The following LARGE1 variants were observed in gnomAD, a reference collection of about 807,000 sequenced individuals.
LARGE1 encodes the protein xylosyl- and glucuronyltransferase LARGE1.
LARGE1 carries 43 observed loss-of-function variants against 87.6 expected under a neutral mutation model. The observed-to-expected ratio is 0.49, with a 90% CI of 0.38 to 0.63. LARGE1 has a LOEUF of 0.63. LARGE1 is among the 30% of genes least tolerant of loss of function. The probability of loss-of-function intolerance (pLI) is 0.00; values close to 1 mark genes in which losing one functional copy is unlikely to be tolerated. For synonymous variants in LARGE1, 434 were observed against 394.6 expected, an observed-to-expected ratio of 1.10 and a Z score of -1.18; for missense variants, 802 against 1,000.2, an observed-to-expected ratio of 0.80 and a Z score of 2.67.
At chr22:33,455,705 G>A (rs922794137) in intron 6 of LARGE1, among the ~76,000 whole-genome samples, 1 of 131,726 alleles carries the variant, frequency 7.6e-6, no homozygotes, top group African/African-American at 2.9e-5. Flanking sequence ...AGTGAGCTGA[G>A]ATCATGCCAC....
intron 13 of LARGE1, among the ~76,000 whole-genome samples, chr22:33,282,773 A>T (rs1930701306): frequency 6.6e-6 from 1 of 152,158 alleles, no homozygotes; most frequent in Admixed American, 6.5e-5. Context: ...CATACCACAA[A>T]TAAAAAGGAA....
At chr22:33,473,575 G>C (rs1402866731) in intron 6 of LARGE1, among the ~76,000 whole-genome samples, 1 of 152,078 alleles carries the variant, frequency 6.6e-6, no homozygotes, top group Non-Finnish European at 1.5e-5. Context: ...GGCTGGTCTT[G>C]AACTCCTGAC....
chr22:33,360,281 C>T lies in LARGE1; in HGVS notation c.1131+21638G>A, dbSNP rs993585762. Among the ~76,000 whole-genome samples, 5 of 149,216 alleles carry T rather than the reference C, an allele frequency of 3.4e-5. 1 individual carries two copies. Among genetic ancestry groups the T allele is most frequent in the Non-Finnish European group, 7.5e-5 (5 of 67,022 alleles). ...TGAGCCAAGACCACGCCACTGTGCT[C>T]CAGCCTGGGCAACAGAGCAAGGCTG... On this transcript the variant is annotated intron_variant, in intron 9 of 14. Coordinates refer to ENST00000397394, the MANE Select transcript of LARGE1 (RefSeq NM_133642.5).
At position 33,834,895 on chromosome 22, in the gene LARGE1, C is replaced by T. The variant is rs550928863; in HGVS notation, c.-82-73337G>A. ...AAATCAGGCAGAGGCAAGTCATGAG[C>T]CCCAAGGAAAAGTTTCTATCATGTT... On this transcript the variant is annotated intron_variant, in intron 1 of 14. Coordinates refer to ENST00000397394, the MANE Select transcript of LARGE1 (RefSeq NM_133642.5). 3.3e-5 allele frequency among the ~76,000 whole-genome samples: 5 copies of T among 152,284 alleles called. No individual in the cohort carries two copies. The South Asian group carries it at 1.0e-3, about 32-fold the overall frequency.
intron 1 of LARGE1, among the ~76,000 whole-genome samples, chr22:33,911,925 C>G (rs1173724089): frequency 1.3e-5 from 2 of 152,206 alleles, no homozygotes; most frequent in African/African-American, 4.8e-5. Flanking sequence ...TCACCCACCT[C>G]TCCCTCCCGC....
the LARGE1 span, among the ~76,000 whole-genome samples, chr22:33,093,314 C>A: frequency 4.6e-5 from 7 of 152,308 alleles, no homozygotes; most frequent in African/African-American, 1.4e-4. Flanking sequence ...TCTGAAGCTT[C>A]TCTGAAAATG....
chr22:33,913,823 C>G (rs911297537), intron 1 of LARGE1, among the ~76,000 whole-genome samples: 1 of 152,076 alleles, frequency 6.6e-6, no homozygotes, highest in Admixed American at 6.6e-5. Context: ...GCTGGGATTA[C>G]AGGGGTGAGC....
At chr22:33,418,641 G>T (rs5754545) in intron 7 of LARGE1, among the ~76,000 whole-genome samples, 3 of 152,130 alleles carry the variant, frequency 2.0e-5, no homozygotes, top group Non-Finnish European at 4.4e-5. Flanking sequence ...GAGCGGTCCA[G>T]GCAAAGAGCT....
chr22:33,572,865 G>C (rs952106383), intron 5 of LARGE1, among the ~76,000 whole-genome samples: 33 of 151,958 alleles, frequency 2.2e-4, no homozygotes, highest in South Asian at 1.0e-3. Context: ...GTGAGACTTT[G>C]TCTCAAAAAA....
At chr22:33,354,283 C>T (rs565489226) in intron 9 of LARGE1, among the ~76,000 whole-genome samples, 22 of 152,226 alleles carry the variant, frequency 1.4e-4, no homozygotes, top group African/African-American at 4.6e-4. Flanking sequence ...ATGATGTTAC[C>T]TATCAAAGCC....
At chr22:33,845,783 C>T (rs530296015) in intron 1 of LARGE1, among the ~76,000 whole-genome samples, 1 of 152,200 alleles carries the variant, frequency 6.6e-6, no homozygotes. Flanking sequence ...AGCCTTGTTT[C>T]CTCTCTAACC....
At chr22:33,316,378 A>G in intron 10 of LARGE1, 130 bp from the exon 11 acceptor site, 1 of 760,346 alleles carries the variant, frequency 1.3e-6, no homozygotes, top group Admixed American at 2.3e-5. Context: ...TCTGACGTAC[A>G]TGGAAGGGAT....
intron 12 of LARGE1, among the ~76,000 whole-genome samples, chr22:33,290,429 G>A (rs1265929660): frequency 1.3e-5 from 2 of 152,204 alleles, no homozygotes. Flanking sequence ...TTCCGTATCT[G>A]TAACATGGAA....
At chr22:33,550,183 A>G (rs5999007) in intron 6 of LARGE1, among the ~76,000 whole-genome samples, 10 of 151,608 alleles carry the variant, frequency 6.6e-5, no homozygotes, top group African/African-American at 2.4e-4. Flanking sequence ...ACACATATAT[A>G]TATATGTATG....
chr22:33,686,263 T>A (rs2149319964), intron 2 of LARGE1, among the ~76,000 whole-genome samples: 1 of 152,150 alleles, frequency 6.6e-6, no homozygotes. Context: ...TGTTTCTGTC[T>A]GACCGCCCTC....
chr22:33,501,014 T>C (rs1339920351), intron 6 of LARGE1, among the ~76,000 whole-genome samples: 11 of 152,092 alleles, frequency 7.2e-5, no homozygotes, highest in Admixed American at 6.5e-4. Context: ...CGGGCGCCCA[T>C]GGAAGGCTTC....
intron 7 of LARGE1, among the ~76,000 whole-genome samples, chr22:33,428,638 A>G (rs1448095238): frequency 6.8e-6 from 1 of 146,892 alleles, no homozygotes; most frequent in Non-Finnish European, 1.5e-5. Flanking sequence ...AAAGAGAGAG[A>G]ACTGCTGGGC....
chr22:33,157,754 C>T (rs958211937), downstream of LARGE1, among the ~76,000 whole-genome samples: 7 of 151,976 alleles, frequency 4.6e-5, no homozygotes, highest in African/African-American at 1.7e-4. Context: ...TTTAATTTTA[C>T]AAAGAGAAAA....
downstream of LARGE1, among the ~76,000 whole-genome samples, chr22:33,157,971 A>C (rs890446130): frequency 1.3e-5 from 2 of 152,178 alleles, no homozygotes; most frequent in African/African-American, 4.8e-5. Flanking sequence ...GAATAAATGA[A>C]GAATACCAAA....
Sources: allele counts gnomAD v4.1 joint callset (sites outside exome capture counted in the v4.1 genomes callset), GRCh38; gene constraint gnomAD v4.1.1; transcripts MANE v1.5; gene names NCBI Gene and HGNC (gene_info 2026-07-23, HGNC 2026-07-21).